The following WIPF2 variants were observed in gnomAD, a reference collection of about 807,000 sequenced individuals.
WIPF2 encodes WAS/WASL interacting protein family member 2.
A neutral mutation model predicts 38.8 loss-of-function variants in WIPF2; 23 were observed. That is an observed-to-expected ratio of 0.59 (90% CI 0.43 to 0.84). WIPF2 has a LOEUF of 0.84. Ranked by LOEUF, WIPF2 falls within the 40% of genes least tolerant of loss-of-function variation. The probability of loss-of-function intolerance (pLI) is 0.00; values close to 1 mark genes in which losing one functional copy is unlikely to be tolerated. For missense variants in WIPF2, 574 were observed against 580.5 expected, an observed-to-expected ratio of 0.99 and a Z score of 0.11; for synonymous variants, 210 against 223.2, an observed-to-expected ratio of 0.94 and a Z score of 0.53.
chr17:40,240,870 G>A lies in WIPF2; in HGVS notation c.-69-15521G>A, dbSNP rs374799265. The stretch of plus-strand genomic sequence containing the variant: ...TGAGGCAGGAGAATGACATGAACCC[G>A]AGAGGTGGAGCTTGCAGTGAGCCGA... On this transcript the variant is annotated intron_variant, in intron 1 of 7. Transcript: ENST00000323571. Among the ~76,000 whole-genome samples, 12 of 150,768 alleles carry A rather than the reference G, an allele frequency of 8.0e-5. No individual in the cohort carries two copies. The East Asian group carries it at 1.8e-3, about 22-fold the overall frequency.
chr17:40,230,423 C>A (rs1203477797), intron 1 of WIPF2, among the ~76,000 whole-genome samples: 1 of 151,242 alleles, frequency 6.6e-6, no homozygotes, highest in South Asian at 2.1e-4. Flanking sequence ...CCTGTCAGTT[C>A]TTTTACTAGT....
chr17:40,221,120 T>C (rs1409420263), intron 1 of WIPF2, among the ~76,000 whole-genome samples: 1 of 152,146 alleles, frequency 6.6e-6, no homozygotes, highest in African/African-American at 2.4e-5. Flanking sequence ...TAATCTGTTA[T>C]TGCTTTGGGC....
chr17:40,277,723 C>CTTTTTTTTTTTTTTTTTTGTTTTTTT (rs2032447637), intron 7 of WIPF2, among the ~76,000 whole-genome samples: 1 of 97,638 alleles, frequency 1.0e-5, no homozygotes, highest in Non-Finnish European at 1.9e-5. Context: ...CTTCGTTGTC[C>CTTTTTTTTTTTTTTTTTTGTTTTTTT]TTTTTTTTTT....
At chr17:40,250,996 C>T (rs1213591213) in intron 1 of WIPF2, among the ~76,000 whole-genome samples, 1 of 149,374 alleles carries the variant, frequency 6.7e-6, no homozygotes, top group Admixed American at 6.8e-5. Flanking sequence ...TCACTGCCAG[C>T]TCCGCCTCCT....
intron 6 of WIPF2, among the ~76,000 whole-genome samples, chr17:40,274,919 G>C (rs1446093934): frequency 8.2e-6 from 1 of 122,456 alleles, no homozygotes; most frequent in African/African-American, 3.1e-5. Flanking sequence ...GCGACAGAGA[G>C]AGAATCTGTC....
intron 4 of WIPF2, among the ~76,000 whole-genome samples, chr17:40,263,988 A>G (rs568520218): frequency 6.6e-6 from 1 of 152,302 alleles, no homozygotes; most frequent in African/African-American, 2.4e-5. Flanking sequence ...TCAAAAATAA[A>G]GTAACATTTA....
Position 40,250,219 on chromosome 17 carries a change from G to GTTTTTTTTTTT in WIPF2, c.-69-6154_-69-6144dup, listed in dbSNP as rs1170849046. Among the ~76,000 whole-genome samples the GTTTTTTTTTTT allele has an allele frequency of 4.6e-4, 29 of 62,550 alleles. 8 individuals are homozygous for GTTTTTTTTTTT. The highest frequency in any genetic ancestry group is 1.0e-3 in the African/African-American group (16 of 15,742). The allele number at this position is 62,550 out of a possible 152,430, so 41.0% of individuals were successfully genotyped here. A position where few individuals can be genotyped will look rare whatever the true frequency, so the allele number is the denominator to read the frequency against. ...GGATGTGCAAAGCGAATTTTATCAT[G>GTTTTTTTTTTT]TTTTTTTTTTTTTTTTTTTTTTTTT... On this transcript the variant is annotated intron_variant, in intron 1 of 7. Transcript: ENST00000323571.
intron 1 of WIPF2, among the ~76,000 whole-genome samples, chr17:40,226,865 C>T (rs1056664182): frequency 6.6e-6 from 1 of 152,044 alleles, no homozygotes; most frequent in African/African-American, 2.4e-5. Flanking sequence ...CCTTAGCCTC[C>T]TGAGTAGCTG....
chr17:40,247,019 G>A (rs189122060), intron 1 of WIPF2, among the ~76,000 whole-genome samples: 2,294 of 151,618 alleles, frequency 0.015, 30 homozygotes, highest in Non-Finnish European at 0.023. Context: ...GCTGAGGCAG[G>A]AGAATTGCAT....
chr17:40,241,184 C>T (rs2031178206), intron 1 of WIPF2, among the ~76,000 whole-genome samples: 2 of 152,132 alleles, frequency 1.3e-5, no homozygotes, highest in South Asian at 4.1e-4. Context: ...GTTGGATATA[C>T]AGATTACCAG....
chr17:40,274,851 G>A (rs2032347453), intron 6 of WIPF2, among the ~76,000 whole-genome samples: 1 of 149,298 alleles, frequency 6.7e-6, no homozygotes, highest in African/African-American at 2.5e-5. Context: ...GATTGCCTAA[G>A]TCCAGGGAGG....
At chr17:40,245,568 C>T (rs922300468) in intron 1 of WIPF2, among the ~76,000 whole-genome samples, 1 of 152,004 alleles carries the variant, frequency 6.6e-6, no homozygotes, top group Non-Finnish European at 1.5e-5. Context: ...GTCTTGAACT[C>T]CTGACCTCAA....
intron 1 of WIPF2, among the ~76,000 whole-genome samples, chr17:40,245,381 C>T (rs1303693081): frequency 6.6e-5 from 10 of 150,572 alleles, no homozygotes; most frequent in Non-Finnish European, 7.4e-5. Context: ...CCCGTTCTGT[C>T]GCCCAGGCTG....
intron 1 of WIPF2, among the ~76,000 whole-genome samples, chr17:40,237,738 C>T (rs1353399090): frequency 2.0e-5 from 3 of 148,584 alleles, no homozygotes; most frequent in Non-Finnish European, 4.5e-5. Flanking sequence ...CTCGGCCTCC[C>T]GGGTTCGAAT....
intron 5 of WIPF2, among the ~76,000 whole-genome samples, chr17:40,272,340 GT>G (rs2145407649): frequency 6.6e-6 from 1 of 152,222 alleles, no homozygotes; most frequent in African/African-American, 2.4e-5. Context: ...ATTTTCATTG[GT>G]GATGGTGGTG....
At chr17:40,265,243 C>T in intron 5 of WIPF2, 97 bp downstream of exon 5, 4 of 1,419,314 alleles carry the variant, frequency 2.8e-6, no homozygotes, top group Non-Finnish European at 3.8e-6. Flanking sequence ...TTTATTCACT[C>T]AGTGGGTTTA....
chr17:40,222,666 T>G (rs1416754023), intron 1 of WIPF2, among the ~76,000 whole-genome samples: 30 of 92,192 alleles, frequency 3.3e-4, no homozygotes, highest in African/African-American at 1.2e-3. Context: ...TTTTTTTTTT[T>G]TTTTTTTTTT....
chr17:40,280,583 A>G lies in WIPF2; in HGVS notation c.*2358A>G, dbSNP rs1450689360. On this transcript the variant is annotated 3_prime_UTR_variant, in exon 8 of 8. Transcript: ENST00000323571. Reference sequence around the variant, plus strand: ...AGGGCAGATACTGACAAGTGACTGAACTTTGACTGTGAAGTCTTCCCATTT... The same window carrying G: ...AGGGCAGATACTGACAAGTGACTGAGCTTTGACTGTGAAGTCTTCCCATTT... The G allele has an allele frequency of 6.6e-6, 1 of 152,668 alleles. No homozygotes were observed. The highest frequency in any genetic ancestry group is 2.4e-5 in the African/African-American group (1 of 41,462). The allele number at this position is 152,668 out of a possible 1,614,324, so 9.5% of individuals were successfully genotyped here.
intron 1 of WIPF2, among the ~76,000 whole-genome samples, chr17:40,228,017 T>G (rs1278754886): frequency 6.7e-5 from 8 of 119,044 alleles, no homozygotes; most frequent in South Asian, 3.1e-4. Context: ...TTTGTTTTTT[T>G]TTTTTTTTTT....
Sources: allele counts gnomAD v4.1 joint callset (sites outside exome capture counted in the v4.1 genomes callset), GRCh38; gene constraint gnomAD v4.1.1; transcripts MANE v1.5; gene names NCBI Gene and HGNC (gene_info 2026-07-23, HGNC 2026-07-21).